RFX3: variants seen among roughly 807,000 people sequenced by gnomAD.
RFX3 encodes the protein transcription factor RFX3.
RFX3 carries 14 observed loss-of-function variants against 98.6 expected under a neutral mutation model. The observed-to-expected ratio is 0.14, with a 90% CI of 0.09 to 0.22. The LOEUF (loss-of-function observed/expected upper bound fraction) is 0.22. Among genes scored for constraint, RFX3 ranks in the 10% least tolerant of loss-of-function variants. The probability of loss-of-function intolerance (pLI) is 1.00; values close to 1 mark genes in which losing one functional copy is unlikely to be tolerated. For synonymous variants in RFX3, 383 were observed against 328.4 expected (o/e 1.17, Z -1.80); for missense variants, 639 against 926.9 (o/e 0.69, Z 4.03).
intron 1 of RFX3, among the ~76,000 whole-genome samples, chr9:3,424,368 T>TG: frequency 8.7e-6 from 1 of 114,642 alleles, no homozygotes; most frequent in Non-Finnish European, 1.9e-5. Flanking sequence ...TTTTTTTTTT[T>TG]TTTTTTTTTT....
chr9:3,251,752 G>A (rs1821433629), intron 14 of RFX3, among the ~76,000 whole-genome samples: 1 of 152,158 alleles, frequency 6.6e-6, no homozygotes, highest in Non-Finnish European at 1.5e-5. Context: ...TCAGGTGAAT[G>A]TTAATAAATC....
chr9:3,473,230 GAGA>G (rs1034603515), intron 1 of RFX3, among the ~76,000 whole-genome samples: 4 of 152,198 alleles, frequency 2.6e-5, no homozygotes, highest in Admixed American at 1.3e-4. Context: ...TCTTAGGCTA[GAGA>G]AGAAGATTTC....
chr9:3,356,497 C>T (rs891463863), intron 2 of RFX3, among the ~76,000 whole-genome samples: 2 of 151,790 alleles, frequency 1.3e-5, no homozygotes, highest in African/African-American at 2.4e-5. Flanking sequence ...TTTATTCCCG[C>T]AGAGGAAACT....
chr9:3,505,126 T>C (rs1422177755), intron 1 of RFX3, among the ~76,000 whole-genome samples: 1 of 99,088 alleles, frequency 1.0e-5, no homozygotes, highest in Non-Finnish European at 1.8e-5. Flanking sequence ...TATTTTTATA[T>C]ATTTATATTT....
chr9:3,324,963 C>CA (rs1288219709), intron 4 of RFX3, among the ~76,000 whole-genome samples: 3 of 151,048 alleles, frequency 2.0e-5, no homozygotes, highest in Non-Finnish European at 2.9e-5. Flanking sequence ...GACTCCATCT[C>CA]AAAAAAAATC....
chr9:3,389,802 T>C (rs1306869075), intron 2 of RFX3, among the ~76,000 whole-genome samples: 3 of 152,130 alleles, frequency 2.0e-5, no homozygotes, highest in Non-Finnish European at 4.4e-5. Context: ...ATTATGTATA[T>C]GCAAATATAC....
At chr9:3,519,158 A>C (rs1287160185) in intron 1 of RFX3, among the ~76,000 whole-genome samples, 2 of 152,196 alleles carry the variant, frequency 1.3e-5, no homozygotes. Context: ...TTAGTTCTTA[A>C]TCTAAAATCC....
At chr9:3,289,567 T>G (rs1472137108) in intron 6 of RFX3, among the ~76,000 whole-genome samples, 1 of 152,110 alleles carries the variant, frequency 6.6e-6, no homozygotes, top group African/African-American at 2.4e-5. Flanking sequence ...GAGACATTAC[T>G]TACAGGACAA....
intron 8 of RFX3, among the ~76,000 whole-genome samples, chr9:3,277,090 A>C (rs7035860): frequency 0.065 from 9,854 of 152,076 alleles, 1,018 homozygotes; most frequent in African/African-American, 0.22. Flanking sequence ...TCTGGAAAAC[A>C]ATTTCATAGC....
intron 1 of RFX3, among the ~76,000 whole-genome samples, chr9:3,412,837 A>G (rs1842571657): frequency 6.6e-6 from 1 of 152,188 alleles, no homozygotes; most frequent in Non-Finnish European, 1.5e-5. Flanking sequence ...TGGTAAATTC[A>G]TGTTTCTTCC....
At chr9:3,301,404 A>G in intron 5 of RFX3, 142 bp downstream of exon 5, 2 of 515,072 alleles carry the variant, frequency 3.9e-6, no homozygotes, top group Non-Finnish European at 7.1e-6. Context: ...TAGCCATTAA[A>G]TGACACAGAG....
chr9:3,406,667 A>G (rs1003240037), intron 1 of RFX3, among the ~76,000 whole-genome samples: 1 of 152,168 alleles, frequency 6.6e-6, no homozygotes, highest in Non-Finnish European at 1.5e-5. Flanking sequence ...AAACATTACT[A>G]TTAGAATATG....
At chr9:3,297,821 T>A (rs1828176198) in intron 5 of RFX3, among the ~76,000 whole-genome samples, 1 of 151,948 alleles carries the variant, frequency 6.6e-6, no homozygotes, top group South Asian at 2.1e-4. Context: ...AAACTTTAAA[T>A]GGAATTTTAA....
intron 1 of RFX3, among the ~76,000 whole-genome samples, chr9:3,422,223 A>G (rs547174182): frequency 6.6e-6 from 1 of 152,266 alleles, no homozygotes; most frequent in Non-Finnish European, 1.5e-5. Context: ...CTCACCCAAA[A>G]TGAAAACTAG....
At position 3,266,301 on chromosome 9, in the gene RFX3, G is replaced by A; in HGVS notation, c.1362C>T (p.Ala454=). 6.2e-7 allele frequency: 1 copy of A among 1,603,112 alleles called. No homozygotes were observed. Reference sequence around the variant, plus strand: ...CAAAATTTCGAATGGCTTGGGTCAAGGCACCTAAACATTAAAGAATAAAAG... The same window carrying A: ...CAAAATTTCGAATGGCTTGGGTCAAAGCACCTAAACATTAAAGAATAAAAG... ...IPDVLRPIPS[A]LTQAIRNFAK... Residue 454 remains alanine (A), a synonymous_variant, in exon 12 of 17, where the codon GCC becomes GCT. Coordinates refer to ENST00000617270, the MANE Select transcript of RFX3 (RefSeq NM_001282116.2).
intron 1 of RFX3, among the ~76,000 whole-genome samples, chr9:3,467,374 T>G (rs1311727556): frequency 6.7e-6 from 1 of 150,278 alleles, no homozygotes; most frequent in Non-Finnish European, 1.5e-5. Flanking sequence ...GCCAAGGCTT[T>G]CTTTCAAGGC....
At chr9:3,440,815 C>T (rs374080186) in intron 1 of RFX3, among the ~76,000 whole-genome samples, 6 of 152,248 alleles carry the variant, frequency 3.9e-5, no homozygotes, top group African/African-American at 1.4e-4. Flanking sequence ...GGAGAGCTAA[C>T]ACTACCTGAT....
At chr9:3,456,393 T>G (rs1289874350) in intron 1 of RFX3, among the ~76,000 whole-genome samples, 1 of 152,242 alleles carries the variant, frequency 6.6e-6, no homozygotes, top group Non-Finnish European at 1.5e-5. Flanking sequence ...CAGACCATCT[T>G]AATTTCAGCT....
At chr9:3,341,940 C>T (rs992611280) in intron 3 of RFX3, among the ~76,000 whole-genome samples, 1 of 152,104 alleles carries the variant, frequency 6.6e-6, no homozygotes, top group African/African-American at 2.4e-5. Flanking sequence ...AAGAAGAAAG[C>T]ATAATTTCAC....
Sources: gnomAD v4.1 joint callset for allele counts (sites outside exome capture counted in the v4.1 genomes callset) on GRCh38, gnomAD v4.1.1 for gene constraint, MANE v1.5 for transcripts, NCBI Gene and HGNC (gene_info 2026-07-23, HGNC 2026-07-21) for gene names.